The following TOX2 variants were observed in gnomAD, a reference collection of about 807,000 sequenced individuals.
TOX2 encodes TOX high mobility group box family member 2.
Under a neutral mutation model 47.4 loss-of-function variants are expected in TOX2, and 15 were observed. That is an observed-to-expected ratio of 0.32 (90% CI 0.21 to 0.49). The LOEUF (loss-of-function observed/expected upper bound fraction) is 0.49. Ranked by LOEUF, TOX2 falls within the 20% of genes least tolerant of loss-of-function variation. The pLI is 0.99. For synonymous variants in TOX2, 290 were observed against 296.6 expected (o/e 0.98, Z 0.23); for missense variants, 622 against 673.1 (o/e 0.92, Z 0.84).
At chr20:44,064,349 A>C (rs189559385) in intron 5 of TOX2, among the ~76,000 whole-genome samples, 3 of 152,356 alleles carry the variant, frequency 2.0e-5, no homozygotes, top group African/African-American at 7.2e-5. Flanking sequence ...CCTAGGTCTA[A>C]AATTTTTAAT....
intron 2 of TOX2, among the ~76,000 whole-genome samples, chr20:43,978,458 A>G (rs2070117157): frequency 6.6e-6 from 1 of 150,988 alleles, no homozygotes; most frequent in African/African-American, 2.5e-5. Flanking sequence ...GTAAAGAACC[A>G]GAGTCAGAAA....
At chr20:43,922,304 A>G (rs2069120592) in intron 1 of TOX2, among the ~76,000 whole-genome samples, 1 of 152,168 alleles carries the variant, frequency 6.6e-6, no homozygotes, top group Non-Finnish European at 1.5e-5. Flanking sequence ...CCTGGCCCCT[A>G]CCTAGTAGAT....
chr20:43,950,699 C>A (rs926845584), intron 1 of TOX2, among the ~76,000 whole-genome samples: 3 of 152,098 alleles, frequency 2.0e-5, no homozygotes, highest in Admixed American at 1.3e-4. Context: ...TCTGTTTAAA[C>A]GTGCATACCC....
At chr20:43,964,215 C>G (rs1324766700) in intron 1 of TOX2, among the ~76,000 whole-genome samples, 1 of 152,070 alleles carries the variant, frequency 6.6e-6, no homozygotes, top group Non-Finnish European at 1.5e-5. Flanking sequence ...TGGTGATGGA[C>G]CTGGAGTTGG....
At chr20:44,049,783 G>T (rs1316187344) in intron 3 of TOX2, among the ~76,000 whole-genome samples, 1 of 152,112 alleles carries the variant, frequency 6.6e-6, no homozygotes, top group Admixed American at 6.5e-5. Flanking sequence ...GAGGATAATG[G>T]CTTCCAGCTC....
At chr20:43,955,486 T>C (rs2069651842) in intron 1 of TOX2, among the ~76,000 whole-genome samples, 1 of 152,192 alleles carries the variant, frequency 6.6e-6, no homozygotes, top group Non-Finnish European at 1.5e-5. Flanking sequence ...TACTCAGACA[T>C]TTCTGATGTG....
intron 3 of TOX2, among the ~76,000 whole-genome samples, chr20:44,039,578 T>G (rs562342699): frequency 4.6e-5 from 7 of 152,236 alleles, no homozygotes; most frequent in Admixed American, 1.3e-4. Flanking sequence ...GTAGTTTGTC[T>G]CAGGGGTGAA....
chr20:44,037,973 G>C (rs1040502279), intron 3 of TOX2, among the ~76,000 whole-genome samples: 6 of 152,202 alleles, frequency 3.9e-5, no homozygotes, highest in Non-Finnish European at 7.3e-5. Context: ...TTGTTGAATG[G>C]TTTTGACCAA....
intron 3 of TOX2, among the ~76,000 whole-genome samples, chr20:44,017,199 G>A (rs2070894355): frequency 6.6e-6 from 1 of 152,218 alleles, no homozygotes; most frequent in South Asian, 2.1e-4. Flanking sequence ...AAAAAGGATA[G>A]AGCTGGGACT....
intron 1 of TOX2, among the ~76,000 whole-genome samples, chr20:43,926,143 T>C (rs1358288623): frequency 1.3e-5 from 2 of 152,208 alleles, no homozygotes; most frequent in African/African-American, 4.8e-5. Context: ...ATATATTTTA[T>C]TGTTTCATCA....
rs746805364 is a variant in TOX2 at position 44,051,325 on chromosome 20, C to G, written c.431C>G (p.Ser144Trp). 1.2e-6 allele frequency: 2 copies of G among 1,611,250 alleles called. No homozygotes were observed. The highest frequency in any genetic ancestry group is 1.7e-6 in the Non-Finnish European group (2 of 1,178,164). Residue 144 changes from serine (S) to tryptophan (W), a missense_variant, in exon 4 of 9, where the codon TCG (serine) becomes TGG (tryptophan). Transcript: ENST00000341197. Reference protein sequence around the residue: ...QLPTIQEMVHSEVAAYDSGRP... With the variant: ...QLPTIQEMVHWEVAAYDSGRP... ...TCTTAGATCCAGGAGATGGTCCACT[C>G]GGAAGTGGCTGCCTATGACTCGGGC...
intron 3 of TOX2, among the ~76,000 whole-genome samples, chr20:44,043,503 AT>A (rs1204639211): frequency 3.9e-5 from 6 of 152,204 alleles, no homozygotes. Flanking sequence ...TAAAGGCATT[AT>A]ACTGTATGTG....
chr20:44,065,707 T>A lies in TOX2; in HGVS notation c.961-5T>A. The A allele has an allele frequency of 6.4e-7, 1 of 1,571,404 alleles. No individual in the cohort carries two copies. Among genetic ancestry groups the A allele is most frequent in the Non-Finnish European group, 8.7e-7 (1 of 1,152,012 alleles). On this transcript the variant is annotated splice_polypyrimidine_tract_variant and splice_region_variant and intron_variant, in intron 6 of 8. Transcript: ENST00000341197. ...CTCCAGTGACTGATATCTGTCTCCT[T>A]CCAGAGCTCCCCAGATCAAGGTGAG...
chr20:44,001,581 C>T (rs910745386), intron 2 of TOX2, among the ~76,000 whole-genome samples: 1 of 152,196 alleles, frequency 6.6e-6, no homozygotes, highest in African/African-American at 2.4e-5. Flanking sequence ...TTTCAAAAGG[C>T]TTCTGGTCAA....
intron 2 of TOX2, among the ~76,000 whole-genome samples, chr20:44,006,297 C>T (rs1453738537): frequency 6.6e-6 from 1 of 152,172 alleles, no homozygotes; most frequent in Non-Finnish European, 1.5e-5. Flanking sequence ...GGAGCCGGCC[C>T]CCATTCTCCA....
intron 3 of TOX2, among the ~76,000 whole-genome samples, chr20:44,007,746 G>A (rs1274251331): frequency 6.6e-6 from 1 of 152,048 alleles, no homozygotes; most frequent in African/African-American, 2.4e-5. Context: ...AGGCTGAGGT[G>A]GGAGGATCAC....
intron 1 of TOX2, among the ~76,000 whole-genome samples, chr20:43,962,849 T>C (rs1055522490): frequency 1.3e-5 from 2 of 152,198 alleles, no homozygotes; most frequent in Non-Finnish European, 2.9e-5. Flanking sequence ...AGTTTTCTAA[T>C]AGCCATGTTC....
intron 3 of TOX2, among the ~76,000 whole-genome samples, chr20:44,031,404 G>T (rs950797756): frequency 6.6e-6 from 1 of 152,220 alleles, no homozygotes. Context: ...TGTCAAGTGG[G>T]TGAGCGCATT....
At chr20:44,062,059 C>A (rs140860960) in intron 5 of TOX2, among the ~76,000 whole-genome samples, 2,208 of 151,958 alleles carry the variant, frequency 0.015, 32 homozygotes, top group Middle Eastern at 0.051. Context: ...CCCCTGAGAA[C>A]TAGAACAAGA....
Sources: gnomAD v4.1 joint callset for allele counts (sites outside exome capture counted in the v4.1 genomes callset) on GRCh38, gnomAD v4.1.1 for gene constraint, MANE v1.5 for transcripts, NCBI Gene and HGNC (gene_info 2026-07-23, HGNC 2026-07-21) for gene names.